Variants in MTUS2 observed in about 807,000 individuals in gnomAD.
MTUS2 encodes microtubule-associated tumor suppressor candidate 2.
MTUS2 carries 40 observed loss-of-function variants against 114.1 expected under a neutral mutation model. That is an observed-to-expected ratio of 0.35 (90% CI 0.27 to 0.46). The LOEUF is 0.46. Ranked by LOEUF, MTUS2 falls within the 20% of genes least tolerant of loss-of-function variation. MTUS2 has a pLI of 1.00. For synonymous variants in MTUS2, 688 were observed against 672.0 expected (o/e 1.02, Z -0.37); for missense variants, 1,679 against 1,705.4 (o/e 0.98, Z 0.27).
chr13:29,400,867 C>T (rs1186308038), intron 8 of MTUS2, among the ~76,000 whole-genome samples: 2 of 152,246 alleles, frequency 1.3e-5, no homozygotes, highest in African/African-American at 2.4e-5. Flanking sequence ...AGAGAAAGCA[C>T]TTCCCATCCC....
intron 2 of MTUS2, among the ~76,000 whole-genome samples, chr13:28,981,710 C>T (rs115738304): frequency 6.6e-6 from 1 of 152,132 alleles, no homozygotes; most frequent in Non-Finnish European, 1.5e-5. Flanking sequence ...CAATGGGCCT[C>T]CTGCCCAGTG....
At chr13:29,485,823 T>G (rs950185068) in intron 10 of MTUS2, among the ~76,000 whole-genome samples, 1 of 151,722 alleles carries the variant, frequency 6.6e-6, no homozygotes, top group Non-Finnish European at 1.5e-5. Context: ...AAACCACTCA[T>G]GATCATTTGT....
chr13:29,403,617 G>C (rs956978520), intron 8 of MTUS2, among the ~76,000 whole-genome samples: 1 of 152,220 alleles, frequency 6.6e-6, no homozygotes, highest in Non-Finnish European at 1.5e-5. Flanking sequence ...CTGAGGAAGA[G>C]AGAACTGGTT....
intron 5 of MTUS2, among the ~76,000 whole-genome samples, chr13:29,126,918 A>C (rs1891543252): frequency 6.6e-6 from 1 of 152,180 alleles, no homozygotes; most frequent in East Asian, 1.9e-4. Flanking sequence ...GATTAAAGAG[A>C]AAATGCATGT....
intron 5 of MTUS2, among the ~76,000 whole-genome samples, chr13:29,103,884 A>T (rs1314647702): frequency 6.6e-6 from 1 of 152,198 alleles, no homozygotes; most frequent in African/African-American, 2.4e-5. Context: ...TGACTGTGGC[A>T]TGCTATATTG....
intron 3 of MTUS2, among the ~76,000 whole-genome samples, chr13:29,027,753 G>A (rs1248406823): frequency 3.3e-5 from 5 of 151,850 alleles, no homozygotes; most frequent in Non-Finnish European, 4.4e-5. Flanking sequence ...GGGTTTCACC[G>A]TGGTCTTGAT....
At chr13:29,412,289 T>A (rs953872760) in intron 8 of MTUS2, among the ~76,000 whole-genome samples, 2 of 152,214 alleles carry the variant, frequency 1.3e-5, no homozygotes, top group Admixed American at 6.5e-5. Flanking sequence ...TGAGTGCTGT[T>A]AACTGGAATG....
chr13:29,391,352 C>T (rs1873443013), intron 8 of MTUS2, among the ~76,000 whole-genome samples: 1 of 152,190 alleles, frequency 6.6e-6, no homozygotes, highest in Non-Finnish European at 1.5e-5. Context: ...TTTATATTTA[C>T]AGTGGGCTTC....
At chr13:29,117,824 C>T (rs1042841877) in intron 5 of MTUS2, among the ~76,000 whole-genome samples, 14 of 152,126 alleles carry the variant, frequency 9.2e-5, no homozygotes, top group Admixed American at 7.2e-4. Flanking sequence ...CACTTCGGGC[C>T]CTGTCAGCCG....
chr13:28,849,246 A>AT (rs1876089394), intron 2 of MTUS2, among the ~76,000 whole-genome samples: 1 of 152,214 alleles, frequency 6.6e-6, no homozygotes, highest in Non-Finnish European at 1.5e-5. Context: ...ATAAATGGAA[A>AT]ATATGTGCCG....
At chr13:28,979,998 A>G (rs1274146117) in intron 2 of MTUS2, among the ~76,000 whole-genome samples, 3 of 152,188 alleles carry the variant, frequency 2.0e-5, no homozygotes, top group African/African-American at 7.2e-5. Flanking sequence ...TTGGGATGAC[A>G]TGTTTAAATT....
At chr13:29,043,603 T>G (rs1887473238) in intron 4 of MTUS2, among the ~76,000 whole-genome samples, 1 of 152,040 alleles carries the variant, frequency 6.6e-6, no homozygotes, top group South Asian at 2.1e-4. Context: ...GTAATTATTT[T>G]ATAAATTTGG....
intron 2 of MTUS2, among the ~76,000 whole-genome samples, chr13:28,954,971 C>T (rs1180947537): frequency 6.6e-6 from 1 of 152,142 alleles, no homozygotes; most frequent in East Asian, 1.9e-4. Context: ...ATTCCAGATG[C>T]CAAGGTTCAT....
chr13:28,977,010 A>C (rs1884142038), intron 2 of MTUS2, among the ~76,000 whole-genome samples: 1 of 152,092 alleles, frequency 6.6e-6, no homozygotes, highest in Non-Finnish European at 1.5e-5. Context: ...CCCCCCTTTG[A>C]GTTTGATGCC....
chr13:29,416,082 A>ATTTTT (rs139281629), intron 8 of MTUS2, among the ~76,000 whole-genome samples: 1 of 127,734 alleles, frequency 7.8e-6, no homozygotes, highest in Non-Finnish European at 1.6e-5. Flanking sequence ...CACCCCACTA[A>ATTTTT]TTTTTTTTTT....
chr13:29,296,639 A>G (rs1898960140), intron 6 of MTUS2, among the ~76,000 whole-genome samples: 1 of 152,064 alleles, frequency 6.6e-6, no homozygotes, highest in Admixed American at 6.5e-5. Context: ...GATGATGACC[A>G]TTTTAACTGG....
intron 2 of MTUS2, among the ~76,000 whole-genome samples, chr13:28,925,055 T>G (rs746746985): frequency 2.6e-5 from 4 of 152,136 alleles, no homozygotes; most frequent in Non-Finnish European, 4.4e-5. Context: ...TCTTAGATCC[T>G]TTCTCTAATG....
At chr13:29,041,592 A>G (rs1248714496) in intron 4 of MTUS2, among the ~76,000 whole-genome samples, 2 of 152,010 alleles carry the variant, frequency 1.3e-5, no homozygotes, top group Non-Finnish European at 2.9e-5. Context: ...ATATGTTTCC[A>G]TTTGTTTGTG....
intron 2 of MTUS2, among the ~76,000 whole-genome samples, chr13:28,902,567 A>G (rs892152451): frequency 1.3e-5 from 2 of 152,126 alleles, no homozygotes; most frequent in East Asian, 1.9e-4. Context: ...TAAAAAAAAA[A>G]ATTTTAACAT....
Sources: allele counts gnomAD v4.1 joint callset (sites outside exome capture counted in the v4.1 genomes callset), GRCh38; gene constraint gnomAD v4.1.1; transcripts MANE v1.5; gene names NCBI Gene and HGNC (gene_info 2026-07-23, HGNC 2026-07-21).